The following ART4 variants were observed in gnomAD, a reference collection of about 807,000 sequenced individuals.
ART4 encodes the protein ADP-ribosyltransferase 4 (inactive) (Dombrock blood group), also known as ecto-ADP-ribosyltransferase 4.
In ART4, 14 loss-of-function variants were observed where a neutral mutation model predicts 24.2. The ratio of observed to expected loss-of-function variants is 0.58; its 90% CI spans 0.38 to 0.90. ART4 has a LOEUF of 0.90. Ranked by LOEUF, ART4 falls within the 40% of genes least tolerant of loss-of-function variation. The probability of loss-of-function intolerance (pLI) is 0.00; values close to 1 mark genes in which losing one functional copy is unlikely to be tolerated. For synonymous variants in ART4, 145 were observed against 139.9 expected (o/e 1.04, Z -0.26); for missense variants, 356 against 366.6 (o/e 0.97, Z 0.24).
chr12:14,834,285 T>C (rs887274433), intron 2 of ART4, among the ~76,000 whole-genome samples: 77 of 152,180 alleles, frequency 5.1e-4, no homozygotes, highest in African/African-American at 1.8e-3. Context: ...TCAAGGTCAT[T>C]GTGATGCCAC....
At chr12:14,834,710 C>A (rs541521058) in intron 2 of ART4, among the ~76,000 whole-genome samples, 2 of 152,154 alleles carry the variant, frequency 1.3e-5, no homozygotes, top group African/African-American at 4.8e-5. Flanking sequence ...GGGCAAATAA[C>A]TAACATTCTG....
rs114661518 is a variant in ART4 at position 14,839,586 on chromosome 12, C to G, written c.853+859G>C. Among the ~76,000 whole-genome samples the G allele has an allele frequency of 8.4e-3, 1,285 of 152,270 alleles. 18 individuals are homozygous for G. The highest frequency in any genetic ancestry group is 0.029 in the African/African-American group (1,221 of 41,536). On this transcript the variant is annotated intron_variant, in intron 2 of 2. Transcript: ENST00000228936. Reference sequence around the variant, plus strand: ...ATCAGATTCTCTTTACAATGACACACTCTCACAATAACTAACCTGCTCACA... The same window carrying G: ...ATCAGATTCTCTTTACAATGACACAGTCTCACAATAACTAACCTGCTCACA...
chr12:14,842,893 T>C (rs1397437266), intron 1 of ART4, 77 bp downstream of exon 1: 4 of 1,492,452 alleles, frequency 2.7e-6, no homozygotes, highest in African/African-American at 2.8e-5. Flanking sequence ...TTTTCGGCCA[T>C]TTAAAGGCTG....
intron 2 of ART4, among the ~76,000 whole-genome samples, chr12:14,839,724 C>T (rs1307817797): frequency 6.6e-6 from 1 of 152,208 alleles, no homozygotes; most frequent in Non-Finnish European, 1.5e-5. Context: ...GCTTCCAACA[C>T]AGGAACTTAT....
chr12:14,841,719 A>G (rs560726718), intron 1 of ART4, among the ~76,000 whole-genome samples: 54 of 152,346 alleles, frequency 3.5e-4, no homozygotes, highest in African/African-American at 1.3e-3. Context: ...TTACTGAAAA[A>G]GGGCACGCTA....
At chr12:14,837,346 A>C (rs1238708929) in intron 2 of ART4, among the ~76,000 whole-genome samples, 2 of 152,098 alleles carry the variant, frequency 1.3e-5, no homozygotes, top group Non-Finnish European at 2.9e-5. Flanking sequence ...ATTGTGTTAG[A>C]TGGTCATGTA....
chr12:14,841,583 A>G (rs1262201383), intron 1 of ART4, among the ~76,000 whole-genome samples: 3 of 152,200 alleles, frequency 2.0e-5, no homozygotes, highest in African/African-American at 7.2e-5. Flanking sequence ...AAATCCTTGA[A>G]CTTTATCCTT....
At chr12:14,832,902 C>CATT (rs1326975519) in intron 2 of ART4, among the ~76,000 whole-genome samples, 1 of 152,070 alleles carries the variant, frequency 6.6e-6, no homozygotes, top group Admixed American at 6.5e-5. Context: ...TTCTACCTGG[C>CATT]ATTATTATTA....
rs191185047 is a variant in ART4, at chr12:14,838,249, A to G, written c.853+2196T>C. On this transcript the variant is annotated intron_variant, in intron 2 of 2. Coordinates refer to ENST00000228936, the MANE Select transcript of ART4 (RefSeq NM_021071.4). ...ATTAATTTGGGTGGGGGTGTCCTGA[A>G]ATATTTTTCTTTGAGGTTTATAGAG... Among the ~76,000 whole-genome samples the G allele has an allele frequency of 2.2e-3, 342 of 152,292 alleles. 5 individuals are homozygous for G. The highest frequency in any genetic ancestry group is 9.8e-3 in the Admixed American group (150 of 15,302).
At position 14,836,592 on chromosome 12, in the gene ART4, C is replaced by T. The variant is rs982046717; in HGVS notation, c.853+3853G>A. The stretch of plus-strand genomic sequence containing the variant: ...AACCATAGGTAAGGGGGCATTACTG[C>T]AATTTTTTGCCCTCAACTAAATGAC... On this transcript the variant is annotated intron_variant, in intron 2 of 2. Coordinates refer to ENST00000228936, the MANE Select transcript of ART4 (RefSeq NM_021071.4). Among the ~76,000 whole-genome samples, 3 of 152,286 alleles carry T rather than the reference C, an allele frequency of 2.0e-5. No individual in the cohort carries two copies. The South Asian group carries it at 6.2e-4, about 32-fold the overall frequency.
chr12:14,833,202 G>A (rs1425392745), intron 2 of ART4, among the ~76,000 whole-genome samples: 1 of 152,162 alleles, frequency 6.6e-6, no homozygotes, highest in African/African-American at 2.4e-5. Context: ...AGAAACACTA[G>A]CATTAACACT....
In ART4 at chr12:14,828,085, A is replaced by T. The variant is rs1021051666; in HGVS notation, c.*1286T>A. Reference sequence around the variant, plus strand: ...AATCCCTTATGTCGCTACCTAAATTACTACCTGAGGGAAGCGTTAGAGGAC... The same window carrying T: ...AATCCCTTATGTCGCTACCTAAATTTCTACCTGAGGGAAGCGTTAGAGGAC... On this transcript the variant is annotated 3_prime_UTR_variant, in exon 3 of 3. Transcript: ENST00000228936. 6.6e-6 allele frequency: 1 copy of T among 152,228 alleles called. No individual in the cohort carries two copies. Among genetic ancestry groups the T allele is most frequent in the Non-Finnish European group, 1.5e-5 (1 of 68,048 alleles). 9.4% of individuals were successfully genotyped at this position (152,228 alleles called of 1,614,324 possible). A position where few individuals can be genotyped will look rare whatever the true frequency, so the allele number is the denominator to read the frequency against.
rs539764934 is a variant in ART4, at chr12:14,829,296, A to T, written c.*75T>A. On this transcript the variant is annotated 3_prime_UTR_variant, in exon 3 of 3. Transcript: ENST00000228936. ...CATCCTTCCTGGAAAATAAATGTCC[A>T]TTTCTAGCCAAAAGGCCAATAAAAA... 1.1e-5 allele frequency: 12 copies of T among 1,057,674 alleles called. No homozygotes were observed. In the East Asian group the frequency reaches 2.5e-4, roughly 22 times the overall value. The allele number at this position is 1,057,674 out of a possible 1,614,324, so 65.5% of individuals were successfully genotyped here.
chr12:14,831,691 A>G (rs536561320), intron 2 of ART4, among the ~76,000 whole-genome samples: 8 of 151,982 alleles, frequency 5.3e-5, no homozygotes, highest in African/African-American at 1.9e-4. Context: ...TTTAAATACC[A>G]CCCATAACCC....
rs1432736621 is a variant in ART4 at position 14,840,530 on chromosome 12, T to A, written c.768A>T (p.Ile256=). 1 of 1,614,136 alleles carries A rather than the reference T, an allele frequency of 6.2e-7. No individual in the cohort carries two copies. The highest frequency in any genetic ancestry group is 1.7e-5 in the Admixed American group (1 of 60,026). ...LIPPYELFKV[I]NMSYHPRGDW... ...CTCCTCTTGGGTGGTAGCTCATATT[T>A]ATAACTTTAAACAGCTCATAGGGAG... Residue 256 remains isoleucine, a synonymous_variant, in exon 2 of 3, where the codon ATA becomes ATT. Transcript: ENST00000228936.
rs748819234 is a variant in ART4 at position 14,840,488 on chromosome 12, C to T, written c.810G>A (p.Arg270=). The change falls in exon 2 of 3, where the codon AGG becomes AGA. Residue 270 remains arginine (R), a synonymous_variant. Transcript: ENST00000228936. ...TATATGTGCTCAGGTTCCCAGTTGA[C>T]CTCAACTGCAACCAGTCTCCTCTTG... The part of the protein sequence containing the change: ...YHPRGDWLQL[R]STGNLSTYNC... 1.9e-6 allele frequency: 3 copies of T among 1,613,816 alleles called. No individual in the cohort carries two copies. The highest frequency in any genetic ancestry group is 2.2e-5 in the South Asian group (2 of 90,988).
chr12:14,833,614 C>T (rs961877900), intron 2 of ART4, among the ~76,000 whole-genome samples: 14 of 152,132 alleles, frequency 9.2e-5, no homozygotes, highest in African/African-American at 3.1e-4. Flanking sequence ...ATCATTTTAT[C>T]AGTGTATTAT....
intron 1 of ART4, among the ~76,000 whole-genome samples, chr12:14,841,473 G>C (rs1863051882): frequency 6.6e-6 from 1 of 152,154 alleles, no homozygotes; most frequent in African/African-American, 2.4e-5. Context: ...AAATCTTGTA[G>C]TTTAATTACA....
intron 1 of ART4, 21 bp from the exon 2 acceptor site, chr12:14,841,174 T>G (rs752593220): frequency 6.4e-7 from 1 of 1,555,878 alleles, no homozygotes; most frequent in Non-Finnish European, 8.6e-7. Context: ...AGAAAAATCT[T>G]GAGTTTAATT....
Sources: allele counts gnomAD v4.1 joint callset (sites outside exome capture counted in the v4.1 genomes callset), GRCh38; gene constraint gnomAD v4.1.1; transcripts MANE v1.5; gene names NCBI Gene and HGNC (gene_info 2026-07-23, HGNC 2026-07-21).